The following MNT variants were observed in gnomAD, a reference collection of about 807,000 sequenced individuals.
The protein encoded by MNT is max-binding protein MNT.
A neutral mutation model predicts 40.7 loss-of-function variants in MNT; 13 were observed. That is an observed-to-expected ratio of 0.32 (90% CI 0.21 to 0.51). MNT has a LOEUF of 0.51. Ranked by LOEUF, MNT falls within the 20% of genes least tolerant of loss-of-function variation. The pLI is 0.98. For synonymous variants in MNT, 426 were observed against 354.8 expected (o/e 1.20, Z -2.26); for missense variants, 757 against 792.0 (o/e 0.96, Z 0.53).
chr17:2,387,917 G>C lies in MNT; in HGVS notation c.940C>G (p.Arg314Gly). ...GGCTGGCCCGTCTGCCGCAGCACGC[G>C]GTCAATCTCCAGTACGTCCATCCAC... Reference protein sequence around the residue: ...SQWMDVLEIDRVLRQTGQPED... With the variant: ...SQWMDVLEIDGVLRQTGQPED... Residue 314 changes from arginine to glycine, a missense_variant, in exon 5 of 6, where the codon CGC becomes GGC. By Grantham distance (125) the Arg-to-Gly change is moderately radical. Coordinates refer to ENST00000174618, the MANE Select transcript of MNT (RefSeq NM_020310.3). 4 of 1,608,396 alleles carry C rather than the reference G, an allele frequency of 2.5e-6. No individual in the cohort carries two copies. The highest frequency in any genetic ancestry group is 2.5e-6 in the Non-Finnish European group (3 of 1,179,208).
At chr17:2,389,097 A>C (rs1448100410) in intron 4 of MNT, among the ~76,000 whole-genome samples, 3 of 150,826 alleles carry the variant, frequency 2.0e-5, no homozygotes, top group African/African-American at 7.3e-5. Flanking sequence ...CCTAGATCTT[A>C]TCTGCCCGTG....
intron 1 of MNT, among the ~76,000 whole-genome samples, chr17:2,399,694 G>C (rs951934387): frequency 2.6e-4 from 39 of 152,126 alleles, no homozygotes; most frequent in African/African-American, 9.2e-4. Context: ...AGGAGGGGCC[G>C]GGCCGCGCCG....
In MNT at chr17:2,395,149, G is replaced by T. The variant is rs1232666462; in HGVS notation, c.379C>A (p.Pro127Thr). 2.0e-6 allele frequency: 3 copies of T among 1,464,666 alleles called. No homozygotes were observed. The highest frequency in any genetic ancestry group is 2.7e-6 in the Non-Finnish European group (3 of 1,111,176). 90.7% of individuals were successfully genotyped at this position (1,464,666 alleles called of 1,614,324 possible). The change falls in exon 2 of 6, where the codon CCC becomes ACC. Residue 127 changes from proline to threonine, a missense_variant. Pro to Thr is a conservative substitution (Grantham distance 38). Around this residue, in one of 4 missense-constraint regions of MNT, gnomAD observed 335 missense variants for 291.4 expected, o/e 1.15. Transcript: ENST00000174618. ...GCAGGCTCCTTAATGCTGAGTCCGG[G>T]GGCGCCAACCAGGGCCGGCTGACGA... ...APRQPALVGA[P>T]GLSIKEPAPL...
chr17:2,400,698 C>A lies in MNT; in HGVS notation c.15G>T (p.Thr5=), dbSNP rs764501049. Residue 5 remains threonine, a synonymous_variant, in exon 1 of 6, where the codon ACG becomes ACT. Coordinates refer to ENST00000174618, the MANE Select transcript of MNT (RefSeq NM_020310.3). The part of the protein sequence containing the change: MSIE[T]LLEAARFLEW... Reference sequence around the variant, plus strand: ...CCAGGAAGCGGGCCGCCTCCAGTAGCGTCTCTATGCTCATCGCGCCGAGAG... The same window carrying A: ...CCAGGAAGCGGGCCGCCTCCAGTAGAGTCTCTATGCTCATCGCGCCGAGAG... 1.3e-6 allele frequency: 2 copies of A among 1,576,770 alleles called. No individual in the cohort carries two copies. Among genetic ancestry groups the A allele is most frequent in the Middle Eastern group, 3.4e-4 (2 of 5,962 alleles).
At position 2,386,020 on chromosome 17, in the gene MNT, G is replaced by A. The variant is rs1040989676; in HGVS notation, c.*881C>T. 2 of 152,198 alleles carry A rather than the reference G, an allele frequency of 1.3e-5. No homozygotes were observed. The highest frequency in any genetic ancestry group is 6.5e-5 in the Admixed American group (1 of 15,288). The allele number at this position is 152,198 out of a possible 1,614,324, so 9.4% of individuals were successfully genotyped here. A position where few individuals can be genotyped will look rare whatever the true frequency, so the allele number is the denominator to read the frequency against. On this transcript the variant is annotated 3_prime_UTR_variant, in exon 6 of 6. Transcript: ENST00000174618. Reference sequence around the variant, plus strand: ...CAGCGCCCCTCTTTGCTGCCTTCTGGAAGCCAAGAGCCAAGCCCAGGGCTG... The same window carrying A: ...CAGCGCCCCTCTTTGCTGCCTTCTGAAAGCCAAGAGCCAAGCCCAGGGCTG...
At chr17:2,388,573 A>C (rs1436046079) in intron 4 of MNT, among the ~76,000 whole-genome samples, 2 of 151,652 alleles carry the variant, frequency 1.3e-5, no homozygotes, top group Non-Finnish European at 2.9e-5. Flanking sequence ...CCGACCCCCT[A>C]GGCGACTCTC....
At chr17:2,400,527 G>C in intron 1 of MNT, 113 bp downstream of exon 1, 1 of 1,042,048 alleles carries the variant, frequency 9.6e-7, no homozygotes. Context: ...GCGCTGCCAG[G>C]CTCCGCAGGC....
At chr17:2,394,387 G>A (rs370349561) in intron 2 of MNT, 41 bp from the exon 3 acceptor site, 3 of 1,612,202 alleles carry the variant, frequency 1.9e-6, no homozygotes, top group Non-Finnish European at 2.5e-6. Context: ...AGGAGGACTC[G>A]ATTAGACGGC....
chr17:2,400,507 G>A lies in MNT; in HGVS notation c.73+133C>T, dbSNP rs1009957532. 5.4e-6 allele frequency: 4 copies of A among 745,834 alleles called. No individual in the cohort carries two copies. The Admixed American group carries it at 1.6e-4, about 31-fold the overall frequency. 46.2% of individuals were successfully genotyped at this position (745,834 alleles called of 1,614,324 possible). On this transcript the variant is annotated intron_variant, in intron 1 of 5. Coordinates refer to ENST00000174618, the MANE Select transcript of MNT (RefSeq NM_020310.3). ...CCCCTCCCCAGGCGGCGGCTCTCGCGGGGAGCCGTGCGCTGCCAGGCTCCG... is the reference window on the plus strand; with the variant it reads ...CCCCTCCCCAGGCGGCGGCTCTCGCAGGGAGCCGTGCGCTGCCAGGCTCCG...
At chr17:2,393,948 G>T in intron 4 of MNT, 95 bp downstream of exon 4, 1 of 768,708 alleles carries the variant, frequency 1.3e-6, no homozygotes, top group Non-Finnish European at 1.8e-6. Context: ...CGGGGGAGCC[G>T]CCGGGGCGTG....
chr17:2,392,498 A>G (rs1433788009), intron 4 of MNT, among the ~76,000 whole-genome samples: 1 of 152,252 alleles, frequency 6.6e-6, no homozygotes, highest in African/African-American at 2.4e-5. Flanking sequence ...CGTCCTTCCT[A>G]TTTCTCAAAA....
chr17:2,388,339 C>G (rs2066485440), intron 4 of MNT: 3 of 388,968 alleles, frequency 7.7e-6, no homozygotes, highest in Non-Finnish European at 1.4e-5. Context: ...AGGGGCTTCT[C>G]CGCCTCTCGC....
At chr17:2,398,895 A>C (rs1223530157) in intron 1 of MNT, among the ~76,000 whole-genome samples, 1 of 152,024 alleles carries the variant, frequency 6.6e-6, no homozygotes, top group African/African-American at 2.4e-5. Flanking sequence ...TGCAAAACCC[A>C]GGCATCTGAG....
In MNT at chr17:2,385,139, A is replaced by C. The variant is rs892925655; in HGVS notation, c.*1762T>G. On this transcript the variant is annotated 3_prime_UTR_variant, in exon 6 of 6. Transcript: ENST00000174618. Reference sequence around the variant, plus strand: ...TGACCTGGTTTGTAACTGTCCCTTTACCCACACCAGGAGAGAGAAATAAGG... The same window carrying C: ...TGACCTGGTTTGTAACTGTCCCTTTCCCCACACCAGGAGAGAGAAATAAGG... The C allele has an allele frequency of 6.6e-6, 1 of 152,242 alleles. No individual in the cohort carries two copies. The highest frequency in any genetic ancestry group is 2.4e-5 in the African/African-American group (1 of 41,428). The allele number at this position is 152,242 out of a possible 1,614,324, so 9.4% of individuals were successfully genotyped here.
rs531803730 is a variant in MNT, at chr17:2,400,961, C to G, written c.-249G>C. The G allele has an allele frequency of 8.3e-4, 320 of 387,080 alleles. 4 individuals carry two copies. The highest frequency in any genetic ancestry group is 7.4e-3 in the South Asian group (171 of 23,168). The allele number at this position is 387,080 out of a possible 1,614,324, so 24.0% of individuals were successfully genotyped here. A position where few individuals can be genotyped will look rare whatever the true frequency, so the allele number is the denominator to read the frequency against. ...ATGCAAAAAAAAAAAAAAGGCGGCACTGCCTCCCTTCTTCCCCTCCCTCTC... is the reference window on the plus strand; with the variant it reads ...ATGCAAAAAAAAAAAAAAGGCGGCAGTGCCTCCCTTCTTCCCCTCCCTCTC... On this transcript the variant is annotated 5_prime_UTR_variant, in exon 1 of 6. Transcript: ENST00000174618.
At chr17:2,389,203 T>G (rs143087911) in intron 4 of MNT, 1 of 152,318 alleles carries the variant, frequency 6.6e-6, no homozygotes, top group South Asian at 2.1e-4. Context: ...CACCGTTTTT[T>G]TCGAGGCTGG....
chr17:2,393,773 C>A (rs948662142), intron 4 of MNT: 15 of 181,462 alleles, frequency 8.3e-5, no homozygotes, highest in African/African-American at 2.1e-4. Flanking sequence ...GGCGTCACGG[C>A]GCGCGCCTCA....
rs755742073 is a variant in MNT, at chr17:2,384,599, T to TGTGC, written c.*2301_*2302insGCAC. The stretch of plus-strand genomic sequence containing the variant: ...GGTAAGATGTGTGCGTGTGCGTGCG[T>TGTGC]GTGTGTGTGTGTGTGTGTGTGTGTG... On this transcript the variant is annotated 3_prime_UTR_variant, in exon 6 of 6. Transcript: ENST00000174618. 1,264 of 146,174 alleles carry TGTGC rather than the reference T, an allele frequency of 8.6e-3. 7 individuals are homozygous for TGTGC. The highest frequency in any genetic ancestry group is 0.015 in the Non-Finnish European group (982 of 66,496). 9.1% of individuals were successfully genotyped at this position (146,174 alleles called of 1,614,324 possible). A position where few individuals can be genotyped will look rare whatever the true frequency, so the allele number is the denominator to read the frequency against.
At chr17:2,396,170 CAT>C (rs1311856861) in intron 1 of MNT, among the ~76,000 whole-genome samples, 1 of 152,240 alleles carries the variant, frequency 6.6e-6, no homozygotes, top group Non-Finnish European at 1.5e-5. Context: ...TCATTTCACA[CAT>C]GTGGAAACAG....
Sources: gnomAD v4.1 joint callset for allele counts (sites outside exome capture counted in the v4.1 genomes callset) on GRCh38, gnomAD v4.1.1 for gene constraint, gnomAD v4.1.1 regional missense constraint, MANE v1.5 for transcripts, NCBI Gene and HGNC (gene_info 2026-07-23, HGNC 2026-07-21) for gene names.